Variants in CEP162 observed in about 807,000 individuals in gnomAD.
The protein encoded by CEP162 is centrosomal protein 162.
Under a neutral mutation model 169.2 loss-of-function variants are expected in CEP162, and 141 were observed. The observed-to-expected ratio is 0.83, with a 90% CI of 0.73 to 0.96. The LOEUF is 0.96. CEP162 is among the 40% of genes least tolerant of loss of function. The pLI is 0.00. For synonymous variants in CEP162, 540 were observed against 526.4 expected (o/e 1.03, Z -0.35); for missense variants, 1,600 against 1,587.2 (o/e 1.01, Z -0.14).
chr6:84,197,926 G>A (rs142910206), intron 9 of CEP162, among the ~76,000 whole-genome samples: 288 of 151,912 alleles, frequency 1.9e-3, no homozygotes, highest in African/African-American at 5.2e-3. Flanking sequence ...ATCCTGTGAC[G>A]ACTCCAGTAA....
chr6:84,200,768 C>A (rs2127731887), intron 9 of CEP162, 21 bp downstream of exon 9: 2 of 1,224,492 alleles, frequency 1.6e-6, no homozygotes, highest in South Asian at 2.4e-5. Flanking sequence ...AGAGAACAGT[C>A]AGGTTTCTAA....
chr6:84,226,470 T>A lies in CEP162; in HGVS notation c.-59-18A>T. The A allele has an allele frequency of 9.7e-7, 1 of 1,027,022 alleles. No homozygotes were observed. Among genetic ancestry groups the A allele is most frequent in the Middle Eastern group, 2.2e-4 (1 of 4,522 alleles). 63.6% of individuals were successfully genotyped at this position (1,027,022 alleles called of 1,614,324 possible). Reference sequence around the variant, plus strand: ...TGGAAACACTAAATGACAAGAGACATAAACATCTTTTGAGGAAATCCATCA... The same window carrying A: ...TGGAAACACTAAATGACAAGAGACAAAAACATCTTTTGAGGAAATCCATCA... On this transcript the variant is annotated intron_variant, in intron 1 of 26. Coordinates refer to ENST00000403245, the MANE Select transcript of CEP162 (RefSeq NM_014895.4).
At chr6:84,194,561 C>T (rs1005176430) in intron 10 of CEP162, among the ~76,000 whole-genome samples, 1 of 151,226 alleles carries the variant, frequency 6.6e-6, no homozygotes, top group Non-Finnish European at 1.5e-5. Flanking sequence ...TCAAGTGATT[C>T]TCCTGCCTCA....
intron 7 of CEP162, among the ~76,000 whole-genome samples, chr6:84,203,521 C>T (rs1263514248): frequency 5.9e-5 from 9 of 152,070 alleles, no homozygotes; most frequent in African/African-American, 1.9e-4. Context: ...CACAGCTCAC[C>T]GCAGCCTTGA....
chr6:84,227,322 G>T (rs917649336), intron 1 of CEP162, among the ~76,000 whole-genome samples: 1 of 152,116 alleles, frequency 6.6e-6, no homozygotes, highest in Admixed American at 6.5e-5. Flanking sequence ...ATCAGTTCAG[G>T]GTAAGTGCGG....
At chr6:84,179,000 T>C (rs1454264534) in intron 13 of CEP162, among the ~76,000 whole-genome samples, 2 of 152,222 alleles carry the variant, frequency 1.3e-5, no homozygotes, top group Non-Finnish European at 2.9e-5. Context: ...TCATCCTTTT[T>C]TATGGCTGCA....
chr6:84,186,395 ATTAAG>A lies in CEP162; in HGVS notation c.1333_1337del (p.Leu445TyrfsTer9). 1 of 1,549,958 alleles carries A rather than the reference ATTAAG, an allele frequency of 6.5e-7. No individual in the cohort carries two copies. Among genetic ancestry groups the A allele is most frequent in the Non-Finnish European group, 8.9e-7 (1 of 1,121,816 alleles). On this transcript the variant is annotated frameshift_variant, in exon 12 of 27. Coordinates refer to ENST00000403245, the MANE Select transcript of CEP162 (RefSeq NM_014895.4). LOFTEE classifies it high-confidence loss of function. ...TAACAGTTATTTTTTTCCTCAAAAT[ATTAAG>A]GTACATTTTATCAACATGTTCTTCT...
At chr6:84,184,092 C>A (rs2099536050) in intron 13 of CEP162, among the ~76,000 whole-genome samples, 1 of 152,130 alleles carries the variant, frequency 6.6e-6, no homozygotes, top group Non-Finnish European at 1.5e-5. Flanking sequence ...CAGGAACTAG[C>A]CATGTTACTG....
At chr6:84,223,583 T>C (rs1285922819) in intron 2 of CEP162, among the ~76,000 whole-genome samples, 1 of 151,658 alleles carries the variant, frequency 6.6e-6, no homozygotes, top group African/African-American at 2.4e-5. Context: ...GATTCTCAGA[T>C]ACAACAGTTG....
In CEP162 at chr6:84,141,340, TA is replaced by T. The variant is rs2099516542; in HGVS notation, c.3870+5346del. On this transcript the variant is annotated intron_variant, in intron 25 of 26. Transcript: ENST00000403245. ...GTAAAATAAAATTTAAAAGAGGGCA[TA>T]AAAGAGTGTCAAGTCTAGTCTAAGC... Among the ~76,000 whole-genome samples the T allele has an allele frequency of 2.0e-5, 3 of 152,132 alleles. No homozygotes were observed. The South Asian group carries it at 6.2e-4, about 32-fold the overall frequency.
rs75783897 is a variant in CEP162, at chr6:84,148,699, T to G, written c.3771+863A>C. 4.3e-3 allele frequency among the ~76,000 whole-genome samples: 653 copies of G among 152,280 alleles called. 10 individuals carry two copies. In the East Asian group the frequency reaches 0.046, roughly 11 times the overall value. ...TAAGATGGTATTAAATAATTACACT[T>G]GGTGAGATAATTCTTTCTTGATGTT... On this transcript the variant is annotated intron_variant, in intron 24 of 26. Coordinates refer to ENST00000403245, the MANE Select transcript of CEP162 (RefSeq NM_014895.4).
intron 16 of CEP162, 104 bp downstream of exon 16, chr6:84,173,944 C>A (rs2099531217): frequency 5.5e-6 from 5 of 910,028 alleles, no homozygotes; most frequent in Non-Finnish European, 6.6e-6. Context: ...CTCATCCTCC[C>A]AAAGTGCTGG....
chr6:84,148,000 C>T lies in CEP162; in HGVS notation c.3772-1215G>A, dbSNP rs1009102409. ...TACATTTATAACGCTGGGAAAATAA[C>T]ATTTATGGCACTATGGCATCATGAT... On this transcript the variant is annotated intron_variant, in intron 24 of 26. Transcript: ENST00000403245. Among the ~76,000 whole-genome samples, 4 of 152,058 alleles carry T rather than the reference C, an allele frequency of 2.6e-5. 1 individual carries two copies. Among genetic ancestry groups the T allele is most frequent in the Admixed American group, 2.6e-4 (4 of 15,242 alleles).
At chr6:84,178,135 A>G (rs1444280626) in intron 13 of CEP162, among the ~76,000 whole-genome samples, 2 of 149,838 alleles carry the variant, frequency 1.3e-5, no homozygotes, top group East Asian at 3.9e-4. Context: ...TTTTAAATAT[A>G]TTTGGATCCT....
chr6:84,167,951 T>G (rs1036315500), intron 18 of CEP162, among the ~76,000 whole-genome samples: 2 of 152,212 alleles, frequency 1.3e-5, no homozygotes, highest in African/African-American at 4.8e-5. Context: ...CTAAACTTAC[T>G]GCTATCTTTT....
intron 13 of CEP162, among the ~76,000 whole-genome samples, chr6:84,184,951 T>A (rs2099536460): frequency 6.6e-6 from 1 of 151,926 alleles, no homozygotes; most frequent in African/African-American, 2.4e-5. Context: ...ACTCCATTCT[T>A]CCAGTTGCTC....
chr6:84,160,503 A>G (rs1284403885), intron 21 of CEP162, among the ~76,000 whole-genome samples: 1 of 152,166 alleles, frequency 6.6e-6, no homozygotes, highest in Non-Finnish European at 1.5e-5. Context: ...TCAGGAAGAG[A>G]AATCCTAACT....
At position 84,152,711 on chromosome 6, in the gene CEP162, C is replaced by T. The variant is rs761309157; in HGVS notation, c.3463G>A (p.Asp1155Asn). The T allele has an allele frequency of 1.9e-6, 3 of 1,612,970 alleles. No individual in the cohort carries two copies. The African/African-American group carries it at 4.0e-5, about 22-fold the overall frequency. The change falls in exon 23 of 27, where the codon GAC becomes AAC. Residue 1155 changes from aspartate (D) to asparagine (N), a missense_variant. By Grantham distance (23) the Asp-to-Asn change is conservative (BLOSUM62 1). Transcript: ENST00000403245. The stretch of plus-strand genomic sequence containing the variant: ...GTATGTGGTTGGTACAGCTTGCTGT[C>T]CAGGGTTCCAGGGAAGGAGTTAGCA... The part of the protein sequence containing the change: ...GNANSFPGTL[D>N]SKLYQPHTFT...
chr6:84,216,399 A>G lies in CEP162; in HGVS notation c.173-477T>C, dbSNP rs1302637078. Among the ~76,000 whole-genome samples, 3 of 152,316 alleles carry G rather than the reference A, an allele frequency of 2.0e-5. No individual in the cohort carries two copies. The East Asian group carries it at 5.8e-4, about 29-fold the overall frequency. ...GTTAGACAGAAGCCTTCGTTAGTGT[A>G]AATATCATTTCAAAAAATAGATGGA... is the stretch of plus-strand genomic sequence containing the variant. On this transcript the variant is annotated intron_variant, in intron 3 of 26. Coordinates refer to ENST00000403245, the MANE Select transcript of CEP162 (RefSeq NM_014895.4).
Sources: gnomAD v4.1 joint callset for allele counts (sites outside exome capture counted in the v4.1 genomes callset) on GRCh38, gnomAD v4.1.1 for gene constraint, MANE v1.5 for transcripts, NCBI Gene and HGNC (gene_info 2026-07-23, HGNC 2026-07-21) for gene names.